Variants in CYBB observed in about 807,000 individuals in gnomAD.
CYBB encodes the protein NADPH oxidase 2.
CYBB carries 5 observed loss-of-function variants against 46.5 expected under a neutral mutation model. The ratio of observed to expected loss-of-function variants is 0.11; its 90% CI spans 0.06 to 0.23. The LOEUF (loss-of-function observed/expected upper bound fraction) is 0.23. Ranked by LOEUF, CYBB falls within the 10% of genes least tolerant of loss-of-function variation. The pLI, the probability that CYBB is intolerant of heterozygous loss-of-function variation, is 1.00. For missense variants in CYBB, 307 were observed against 428.3 expected (o/e 0.72, Z 2.50); for synonymous variants, 183 against 156.7 (o/e 1.17, Z -1.26).
chrX:37,803,570 T>A (rs1293610933), intron 8 of CYBB, among the ~76,000 whole-genome samples: 1 of 111,667 alleles, frequency 9.0e-6, no homozygotes, highest in African/African-American at 3.3e-5. Flanking sequence ...TGATCCTCTT[T>A]CTAGTTGTAA....
intron 3 of CYBB, among the ~76,000 whole-genome samples, chrX:37,790,825 T>A (rs782198718): frequency 2.7e-5 from 3 of 111,896 alleles, no homozygotes; most frequent in Non-Finnish European, 5.6e-5. Flanking sequence ...ATAAATTTTC[T>A]TTGGTACTTC....
chrX:37,809,458 G>A (rs1929625680), intron 11 of CYBB, 109 bp from the exon 12 acceptor site: 2 of 895,145 alleles, frequency 2.2e-6, no homozygotes, highest in Non-Finnish European at 3.2e-6. Flanking sequence ...TTACCTTTCA[G>A]CATCCAGCAG....
At chrX:37,806,317 G>A in intron 10 of CYBB, 70 bp from the exon 11 acceptor site, 1 of 1,099,965 alleles carries the variant, frequency 9.1e-7, no homozygotes, top group Non-Finnish European at 1.3e-6. Context: ...GACAGAAAGT[G>A]GAATTCCACA....
At chrX:37,803,411 G>GA (rs782248937) in intron 8 of CYBB, among the ~76,000 whole-genome samples, 9 of 109,074 alleles carry the variant, frequency 8.3e-5, no homozygotes, top group African/African-American at 1.0e-4. Flanking sequence ...CTTCTGAGAG[G>GA]AAAAAAAAAT....
At chrX:37,804,771 T>A (rs1232141212) in intron 9 of CYBB, among the ~76,000 whole-genome samples, 1 of 110,446 alleles carries the variant, frequency 9.1e-6, no homozygotes, top group Non-Finnish European at 1.9e-5. Flanking sequence ...AAAAAAAAAC[T>A]TGTTCTGAGT....
intron 2 of CYBB, 42 bp downstream of exon 2, chrX:37,782,225 AT>A: frequency 2.3e-6 from 2 of 871,336 alleles, no homozygotes; most frequent in Non-Finnish European, 3.4e-6. Flanking sequence ...GCTGGTTCAC[AT>A]TTCTCATCAG....
chrX:37,793,895 GC>G, intron 5 of CYBB, 85 bp downstream of exon 5: 8 of 910,725 alleles, frequency 8.8e-6, no homozygotes, highest in South Asian at 4.4e-5. Flanking sequence ...CCTCTCCTTT[GC>G]CAAAAAAAAA....
chrX:37,805,007 A>G lies in CYBB; in HGVS notation c.1153A>G (p.Ile385Val). The G allele has an allele frequency of 2.5e-6, 3 of 1,210,696 alleles. No homozygotes were observed. Among genetic ancestry groups the G allele is most frequent in the Non-Finnish European group, 3.4e-6 (3 of 894,612 alleles). The change falls in exon 10 of 13, where the codon ATA (isoleucine) becomes GTA (valine). Residue 385 changes from isoleucine to valine, a missense_variant and splice_region_variant. Transcript: ENST00000378588. ...TATCTCCTCCCCATTTCCCTTCAGG[A>G]TAGCGGTTGATGGGCCCTTTGGCAC... is the stretch of plus-strand genomic sequence containing the variant. Reference protein sequence around the residue: ...EFQDAWKLPKIAVDGPFGTAS... With the variant: ...EFQDAWKLPKVAVDGPFGTAS...
intron 12 of CYBB, 142 bp downstream of exon 12, chrX:37,809,833 T>C (rs983830774): frequency 6.8e-6 from 4 of 587,954 alleles, no homozygotes; most frequent in Admixed American, 7.0e-5. Flanking sequence ...CAACAGAAGA[T>C]TCCAGATATC....
chrX:37,799,112 A>G, intron 7 of CYBB, 28 bp downstream of exon 7: 1 of 1,182,559 alleles, frequency 8.5e-7, no homozygotes, highest in South Asian at 1.8e-5. Context: ...TTGTTATTAC[A>G]GTTTCATTAC....
chrX:37,801,530 A>G (rs1165632393), intron 8 of CYBB, among the ~76,000 whole-genome samples, 182 bp downstream of exon 8: 1 of 109,780 alleles, frequency 9.1e-6, no homozygotes, highest in Non-Finnish European at 1.9e-5. Flanking sequence ...ACAAGTTACC[A>G]TTTTTGATGT....
intron 11 of CYBB, among the ~76,000 whole-genome samples, chrX:37,807,416 T>C (rs782092242): frequency 7.6e-4 from 84 of 110,423 alleles, no homozygotes; most frequent in African/African-American, 2.6e-3. Flanking sequence ...CTTTTGTATG[T>C]TTTATAATAT....
chrX:37,792,145 G>T (rs1929211199), intron 4 of CYBB, 86 bp downstream of exon 4: 2 of 596,494 alleles, frequency 3.4e-6, no homozygotes, highest in Non-Finnish European at 5.7e-6. Flanking sequence ...CAGTTTTATA[G>T]TTAGATTAAG....
At chrX:37,796,510 A>G (rs1411921452) in intron 6 of CYBB, among the ~76,000 whole-genome samples, 1 of 111,669 alleles carries the variant, frequency 9.0e-6, no homozygotes, top group African/African-American at 3.3e-5. Context: ...AGAAGAGTTA[A>G]TGATTAATCA....
intron 1 of CYBB, among the ~76,000 whole-genome samples, chrX:37,780,544 C>T (rs1356382458): frequency 2.7e-5 from 3 of 110,872 alleles, no homozygotes; most frequent in African/African-American, 9.8e-5. Flanking sequence ...GGAAGTAGGC[C>T]TTTATTTCAG....
chrX:37,794,481 C>A (rs782275403), intron 5 of CYBB, among the ~76,000 whole-genome samples: 19 of 111,685 alleles, frequency 1.7e-4, no homozygotes, highest in African/African-American at 6.2e-4. Flanking sequence ...TCCTCAGAAG[C>A]TGGTGTTTTG....
At chrX:37,796,897 T>C (rs1449299569) in intron 6 of CYBB, among the ~76,000 whole-genome samples, 2 of 111,883 alleles carry the variant, frequency 1.8e-5, no homozygotes, top group African/African-American at 3.3e-5. Flanking sequence ...CAGGCTGTGA[T>C]AAATGTTCTC....
Position 37,783,615 on chromosome X carries a change from T to A in CYBB, c.252+15T>A, listed in dbSNP as rs782224235. On this transcript the variant is annotated intron_variant, in intron 3 of 12. Coordinates refer to ENST00000378588, the MANE Select transcript of CYBB (RefSeq NM_000397.4). ...GTTCCAGTGCGGTAAGAGAAAATGT[T>A]TTACTAAGTTCCTCTAATTTTCAAA... 9.3e-7 allele frequency: 1 copy of A among 1,075,434 alleles called. No individual in the cohort carries two copies. The highest frequency in any genetic ancestry group is 3.0e-5 in the East Asian group (1 of 33,280). The allele number at this position is 1,075,434 out of a possible 1,213,427, so 88.6% of individuals were successfully genotyped here. A position where few individuals can be genotyped will look rare whatever the true frequency, so the allele number is the denominator to read the frequency against.
Position 37,805,051 on chromosome X carries a change from C to T in CYBB, c.1197C>T (p.Phe399=), listed in dbSNP as rs782030975. ...TTGGCACTGCCAGTGAAGATGTGTT[C>T]AGCTATGAGGTGGTGATGTTAGTGG... ...GPFGTASEDV[F]SYEVVMLVGA... The change falls in exon 10 of 13, where the codon TTC becomes TTT. Residue 399 remains phenylalanine (F), a synonymous_variant. Coordinates refer to ENST00000378588, the MANE Select transcript of CYBB (RefSeq NM_000397.4). The T allele has an allele frequency of 9.9e-6, 12 of 1,211,506 alleles. No homozygotes were observed. In the South Asian group the frequency reaches 2.1e-4, roughly 21 times the overall value.
Sources: gnomAD v4.1 joint callset for allele counts (sites outside exome capture counted in the v4.1 genomes callset) on GRCh38, gnomAD v4.1.1 for gene constraint, MANE v1.5 for transcripts, NCBI Gene and HGNC (gene_info 2026-07-23, HGNC 2026-07-21) for gene names.